The following GUCY2C variants were observed in gnomAD, a reference collection of about 807,000 sequenced individuals.
GUCY2C encodes the protein guanylyl cyclase C.
A neutral mutation model predicts 131.1 loss-of-function variants in GUCY2C; 118 were observed. The observed-to-expected ratio is 0.90, with a 90% CI of 0.78 to 1.05. The LOEUF is 1.05. GUCY2C is among the 50% of genes least tolerant of loss of function. The pLI is 0.00. For missense variants in GUCY2C, 1,161 were observed against 1,304.4 expected (o/e 0.89, Z 1.69); for synonymous variants, 452 against 457.8 (o/e 0.99, Z 0.16).
chr12:14,654,706 T>A (rs554057896), intron 12 of GUCY2C, among the ~76,000 whole-genome samples: 1 of 152,218 alleles, frequency 6.6e-6, no homozygotes, highest in Non-Finnish European at 1.5e-5. Context: ...AATATGGGGT[T>A]TTGAGGCAGT....
chr12:14,674,265 A>C (rs1366651682), intron 8 of GUCY2C: 5 of 312,034 alleles, frequency 1.6e-5, no homozygotes, highest in Non-Finnish European at 2.5e-5. Flanking sequence ...AAGGATAGAA[A>C]AGGAGATATG....
At chr12:14,695,077 A>G (rs942661280) in intron 1 of GUCY2C, among the ~76,000 whole-genome samples, 1 of 152,166 alleles carries the variant, frequency 6.6e-6, no homozygotes, top group Non-Finnish European at 1.5e-5. Flanking sequence ...ATCAATTCAC[A>G]TGATGACTAG....
intron 9 of GUCY2C, 55 bp from the exon 10 acceptor site, chr12:14,669,888 A>G (rs1948070840): frequency 1.4e-6 from 1 of 696,176 alleles, no homozygotes; most frequent in South Asian, 1.9e-5. Context: ...TATAGAACAA[A>G]TTATGGTGAG....
intron 19 of GUCY2C, among the ~76,000 whole-genome samples, chr12:14,629,889 G>A (rs1180752111): frequency 6.6e-6 from 1 of 152,132 alleles, no homozygotes; most frequent in Admixed American, 6.5e-5. Context: ...AGTTAAACTT[G>A]GATTTCAGAT....
rs1470050377 is a variant in GUCY2C, at chr12:14,668,137, G to A, written c.1282+1585C>T. ...TCCCACCTCAGCCTCCTGAGTAGCT[G>A]GGACCACAGGTATGCACCTCTATGT... On this transcript the variant is annotated intron_variant, in intron 10 of 26. Transcript: ENST00000261170. Among the ~76,000 whole-genome samples, 4 of 149,276 alleles carry A rather than the reference G, an allele frequency of 2.7e-5. No homozygotes were observed. In the East Asian group the frequency reaches 7.8e-4, roughly 29 times the overall value.
At chr12:14,633,022 C>T (rs574396461) in intron 19 of GUCY2C, among the ~76,000 whole-genome samples, 3 of 152,150 alleles carry the variant, frequency 2.0e-5, no homozygotes, top group Non-Finnish European at 2.9e-5. Flanking sequence ...CTACTCATGC[C>T]ATGCCTGCTG....
At chr12:14,688,677 C>T (rs1158401721) in intron 1 of GUCY2C, among the ~76,000 whole-genome samples, 3 of 152,180 alleles carry the variant, frequency 2.0e-5, no homozygotes, top group Admixed American at 6.6e-5. Flanking sequence ...CAAAAGTTCC[C>T]CCTTTCAATA....
intron 21 of GUCY2C, among the ~76,000 whole-genome samples, chr12:14,623,450 T>G (rs1946935883): frequency 6.6e-6 from 1 of 152,230 alleles, no homozygotes; most frequent in African/African-American, 2.4e-5. Context: ...TTGGTGTGGC[T>G]TGGATTCCTA....
At chr12:14,641,677 G>A (rs1051370420) in intron 17 of GUCY2C, among the ~76,000 whole-genome samples, 6 of 152,122 alleles carry the variant, frequency 3.9e-5, no homozygotes, top group East Asian at 1.9e-4. Flanking sequence ...AGTGGCTTAC[G>A]CTGGTAATCC....
At chr12:14,664,281 C>T (rs1227224546) in intron 10 of GUCY2C, among the ~76,000 whole-genome samples, 2 of 152,146 alleles carry the variant, frequency 1.3e-5, no homozygotes, top group African/African-American at 2.4e-5. Context: ...TTGCCACTCC[C>T]ACCATTCTCA....
intron 1 of GUCY2C, among the ~76,000 whole-genome samples, chr12:14,692,809 A>G (rs866944222): frequency 6.6e-6 from 1 of 152,170 alleles, no homozygotes; most frequent in African/African-American, 2.4e-5. Context: ...AGATCATGCC[A>G]TTGCACTCCA....
rs1260122046 is a variant in GUCY2C at position 14,696,089 on chromosome 12, C to T, written c.217+143G>A. 6 of 669,564 alleles carry T rather than the reference C, an allele frequency of 9.0e-6. No homozygotes were observed. In the East Asian group the frequency reaches 1.6e-4, roughly 18 times the overall value. The allele number at this position is 669,564 out of a possible 1,614,324, so 41.5% of individuals were successfully genotyped here. ...GGTTCAAATTCTTCTCTCTAAGGAGCTACTGTCATGAAATAGAAAGGGGTT... is the reference window on the plus strand; with the variant it reads ...GGTTCAAATTCTTCTCTCTAAGGAGTTACTGTCATGAAATAGAAAGGGGTT... On this transcript the variant is annotated intron_variant, in intron 1 of 26. Coordinates refer to ENST00000261170, the MANE Select transcript of GUCY2C (RefSeq NM_004963.4).
chr12:14,628,872 G>C (rs972827254), intron 19 of GUCY2C, 135 bp from the exon 20 acceptor site: 3 of 621,736 alleles, frequency 4.8e-6, no homozygotes, highest in Non-Finnish European at 8.7e-6. Context: ...GCGGACAAGA[G>C]ATCCCCAGCT....
At chr12:14,663,925 C>T (rs750903007) in intron 10 of GUCY2C, among the ~76,000 whole-genome samples, 6 of 152,186 alleles carry the variant, frequency 3.9e-5, no homozygotes, top group Non-Finnish European at 8.8e-5. Flanking sequence ...TAGAAAGACT[C>T]CTGTGCCATT....
intron 11 of GUCY2C, 85 bp from the exon 12 acceptor site, chr12:14,656,702 C>T (rs974111312): frequency 1.7e-5 from 12 of 689,152 alleles, no homozygotes; most frequent in Non-Finnish European, 2.6e-5. Flanking sequence ...GTTTAGAACC[C>T]TGGTATGCTC....
chr12:14,631,231 T>A (rs566608622), intron 19 of GUCY2C, among the ~76,000 whole-genome samples: 195 of 152,258 alleles, frequency 1.3e-3, no homozygotes, highest in African/African-American at 4.6e-3. Flanking sequence ...TTTTTAAAAT[T>A]TTTTTTATTT....
At chr12:14,668,635 T>C (rs75267010) in intron 10 of GUCY2C, among the ~76,000 whole-genome samples, 2 of 146,084 alleles carry the variant, frequency 1.4e-5, no homozygotes, top group Non-Finnish European at 3.0e-5. Flanking sequence ...ATTTCTACTT[T>C]TTTTTTTTTT....
intron 14 of GUCY2C, 122 bp downstream of exon 14, chr12:14,651,837 T>C (rs1014861170): frequency 2.1e-5 from 13 of 622,038 alleles, no homozygotes; most frequent in African/African-American, 5.5e-5. Flanking sequence ...CAACAAGAAA[T>C]ATAGTCACCA....
At chr12:14,651,347 A>T (rs1415174714) in intron 15 of GUCY2C, 60 bp downstream of exon 15, 1 of 840,826 alleles carries the variant, frequency 1.2e-6, no homozygotes, top group Non-Finnish European at 2.0e-6. Context: ...TAAATATTTT[A>T]AAAGGCCTGC....
Sources: allele counts gnomAD v4.1 joint callset (sites outside exome capture counted in the v4.1 genomes callset), GRCh38; gene constraint gnomAD v4.1.1; transcripts MANE v1.5; gene names NCBI Gene and HGNC (gene_info 2026-07-23, HGNC 2026-07-21).